Variants in LRFN2 observed in about 807,000 individuals in gnomAD.
LRFN2 encodes leucine-rich repeat and fibronectin type-III domain-containing protein 2.
In LRFN2, 18 loss-of-function variants were observed where a neutral mutation model predicts 37.3. That is an observed-to-expected ratio of 0.48 (90% CI 0.33 to 0.72). The LOEUF is 0.72. Ranked by LOEUF, LRFN2 falls within the 30% of genes least tolerant of loss-of-function variation. The pLI is 0.02. For synonymous variants in LRFN2, 556 were observed against 466.6 expected (o/e 1.19, Z -2.47); for missense variants, 1,006 against 1,060.7 (o/e 0.95, Z 0.72).
At chr6:40,476,344 G>A (rs1764709141) in intron 1 of LRFN2, among the ~76,000 whole-genome samples, 1 of 152,234 alleles carries the variant, frequency 6.6e-6, no homozygotes, top group Admixed American at 6.5e-5. Flanking sequence ...ATTAGGAGCT[G>A]CCACTAGAAA....
Position 40,580,238 on chromosome 6 carries a change from C to T in LRFN2, c.-19+6703G>A, listed in dbSNP as rs1228319123. Among the ~76,000 whole-genome samples, 4 of 152,242 alleles carry T rather than the reference C, an allele frequency of 2.6e-5. No individual in the cohort carries two copies. In the South Asian group the frequency reaches 6.2e-4, roughly 24 times the overall value. ...CTGAAACTGGAATGCCCATGGGCTG[C>T]CCCAGGGTGGCATTTCTCACTTGCT... On this transcript the variant is annotated intron_variant, in intron 1 of 2. Coordinates refer to ENST00000338305, the MANE Select transcript of LRFN2 (RefSeq NM_020737.3).
chr6:40,555,969 G>C (rs11755039), intron 1 of LRFN2, among the ~76,000 whole-genome samples: 72,138 of 152,044 alleles, frequency 0.47, 18,157 homozygotes, highest in African/African-American at 0.64. Flanking sequence ...TGAAGAACAA[G>C]AGGCGTAATG....
intron 2 of LRFN2, among the ~76,000 whole-genome samples, chr6:40,407,168 C>T (rs1762863966): frequency 6.6e-6 from 1 of 152,236 alleles, no homozygotes. Flanking sequence ...CATGTAAGGC[C>T]TGCCTCTCTC....
chr6:40,450,610 T>G (rs1764081941), intron 1 of LRFN2, among the ~76,000 whole-genome samples: 1 of 152,200 alleles, frequency 6.6e-6, no homozygotes, highest in South Asian at 2.1e-4. Context: ...CTTCATCCCG[T>G]CATGGGCAGA....
At chr6:40,577,321 C>T (rs954090985) in intron 1 of LRFN2, among the ~76,000 whole-genome samples, 5 of 151,916 alleles carry the variant, frequency 3.3e-5, no homozygotes, top group African/African-American at 9.7e-5. Context: ...AGGCTGGTCT[C>T]GAACTCCTGA....
At chr6:40,484,102 G>A (rs2113865498) in intron 1 of LRFN2, among the ~76,000 whole-genome samples, 1 of 152,294 alleles carries the variant, frequency 6.6e-6, no homozygotes, top group South Asian at 2.1e-4. Flanking sequence ...AGAGGGCCAG[G>A]AGCTAGCTAT....
intron 1 of LRFN2, among the ~76,000 whole-genome samples, chr6:40,482,174 G>A (rs1260972810): frequency 6.6e-6 from 1 of 152,152 alleles, no homozygotes; most frequent in Non-Finnish European, 1.5e-5. Flanking sequence ...AGAGGGGTGG[G>A]GAGGATGGAA....
At chr6:40,584,123 T>C (rs1328270501) in intron 1 of LRFN2, among the ~76,000 whole-genome samples, 4 of 152,200 alleles carry the variant, frequency 2.6e-5, no homozygotes, top group African/African-American at 9.6e-5. Flanking sequence ...TTATGTCTGA[T>C]GGCATCAAAC....
intron 1 of LRFN2, among the ~76,000 whole-genome samples, chr6:40,459,361 T>A (rs1298801174): frequency 6.6e-6 from 1 of 152,240 alleles, no homozygotes; most frequent in African/African-American, 2.4e-5. Flanking sequence ...TGTGTTCCCC[T>A]GGTCTCTCTA....
intron 2 of LRFN2, among the ~76,000 whole-genome samples, chr6:40,398,179 C>T (rs1468179732): frequency 6.6e-6 from 1 of 151,768 alleles, no homozygotes; most frequent in Non-Finnish European, 1.5e-5. Flanking sequence ...CGTAGGAGGA[C>T]AATCCCAGGA....
chr6:40,490,162 A>G (rs1765056069), intron 1 of LRFN2, among the ~76,000 whole-genome samples: 1 of 152,234 alleles, frequency 6.6e-6, no homozygotes, highest in South Asian at 2.1e-4. Context: ...GGTTCTGTGG[A>G]GGCCAGGGAG....
intron 1 of LRFN2, among the ~76,000 whole-genome samples, chr6:40,517,867 C>A (rs1397125470): frequency 3.3e-5 from 5 of 152,126 alleles, no homozygotes; most frequent in Non-Finnish European, 7.4e-5. Flanking sequence ...TTGGCAATGA[C>A]AACAGAGACT....
intron 1 of LRFN2, among the ~76,000 whole-genome samples, chr6:40,531,716 G>GT (rs1017300766): frequency 6.6e-6 from 1 of 152,006 alleles, no homozygotes. Context: ...TTATACAATA[G>GT]TTTTTTTAAT....
In LRFN2 at chr6:40,446,887, T is replaced by C. The variant is rs10947886; in HGVS notation, c.-18-13756A>G. Among the ~76,000 whole-genome samples, 15 of 22,636 alleles carry C rather than the reference T, an allele frequency of 6.6e-4. No individual in the cohort carries two copies. In the East Asian group the frequency reaches 0.017, roughly 26 times the overall value. 14.9% of individuals were successfully genotyped at this position (22,636 alleles called of 152,430 possible). ...GCTGTGTCTCCCTCAGACTGGGGCT[T>C]CCTGAGGATGGAGCTGTGTCTCCCT... is the stretch of plus-strand genomic sequence containing the variant. On this transcript the variant is annotated intron_variant, in intron 1 of 2. Transcript: ENST00000338305.
At chr6:40,524,374 T>C (rs2113904438) in intron 1 of LRFN2, among the ~76,000 whole-genome samples, 1 of 150,884 alleles carries the variant, frequency 6.6e-6, no homozygotes, top group Admixed American at 6.6e-5. Context: ...TACCCTGACT[T>C]ACTGCTTCCC....
At chr6:40,561,192 T>G (rs1054968336) in intron 1 of LRFN2, among the ~76,000 whole-genome samples, 1 of 152,174 alleles carries the variant, frequency 6.6e-6, no homozygotes, top group African/African-American at 2.4e-5. Flanking sequence ...AGATTCTCGA[T>G]GTTCTGTGTA....
chr6:40,404,066 C>T (rs1254971346), intron 2 of LRFN2, among the ~76,000 whole-genome samples: 3 of 152,292 alleles, frequency 2.0e-5, no homozygotes, highest in East Asian at 1.9e-4. Flanking sequence ...TCTTTCAGGT[C>T]CCTGTTCCAA....
At chr6:40,478,682 G>C (rs928358546) in intron 1 of LRFN2, among the ~76,000 whole-genome samples, 1 of 152,176 alleles carries the variant, frequency 6.6e-6, no homozygotes, top group Non-Finnish European at 1.5e-5. Flanking sequence ...CTTGAGCTAG[G>C]TACTCTGGCA....
At chr6:40,407,367 G>A (rs1762869447) in intron 2 of LRFN2, among the ~76,000 whole-genome samples, 1 of 152,176 alleles carries the variant, frequency 6.6e-6, no homozygotes, top group African/African-American at 2.4e-5. Flanking sequence ...TTCTGCCCCC[G>A]ACCAGATGTG....
Sources: gnomAD v4.1 joint callset for allele counts (sites outside exome capture counted in the v4.1 genomes callset) on GRCh38, gnomAD v4.1.1 for gene constraint, MANE v1.5 for transcripts, NCBI Gene and HGNC (gene_info 2026-07-23, HGNC 2026-07-21) for gene names.